Variants in PRSS23 observed in about 807,000 individuals in gnomAD.
PRSS23 encodes serine protease 23.
A neutral mutation model predicts 34.7 loss-of-function variants in PRSS23; 25 were observed. The ratio of observed to expected loss-of-function variants is 0.72; its 90% CI spans 0.53 to 1.01. The LOEUF is 1.01. Ranked by LOEUF, PRSS23 falls within the 50% of genes least tolerant of loss-of-function variation. PRSS23 has a pLI of 0.00. For synonymous variants in PRSS23, 176 were observed against 186.6 expected (o/e 0.94, Z 0.46); for missense variants, 445 against 475.6 (o/e 0.94, Z 0.60).
chr11:86,800,998 C>A (rs901480593), intron 1 of PRSS23, among the ~76,000 whole-genome samples: 2 of 152,146 alleles, frequency 1.3e-5, no homozygotes, highest in African/African-American at 4.8e-5. Flanking sequence ...TGGCTACACC[C>A]CCATGCACCC....
chr11:86,852,286 A>G (rs1948536096), intron 2 of PRSS23, among the ~76,000 whole-genome samples: 1 of 152,226 alleles, frequency 6.6e-6, no homozygotes, highest in Non-Finnish European at 1.5e-5. Flanking sequence ...GCAGGGCTGG[A>G]GGCACAGACT....
chr11:86,883,888 A>G (rs1948786088), intron 2 of PRSS23, among the ~76,000 whole-genome samples: 1 of 152,174 alleles, frequency 6.6e-6, no homozygotes, highest in African/African-American at 2.4e-5. Flanking sequence ...AATTGTAAGC[A>G]TTAGTATGCT....
chr11:86,802,403 T>A (rs754526879), intron 1 of PRSS23, among the ~76,000 whole-genome samples: 27 of 152,220 alleles, frequency 1.8e-4, no homozygotes, highest in Non-Finnish European at 3.7e-4. Context: ...TGTGATTAGG[T>A]CTGTTTTGCC....
At chr11:86,881,212 C>T (rs1056518625) in intron 2 of PRSS23, among the ~76,000 whole-genome samples, 1 of 149,650 alleles carries the variant, frequency 6.7e-6, no homozygotes, top group Non-Finnish European at 1.5e-5. Flanking sequence ...AGGAAGTTCC[C>T]TCTAACTGTT....
chr11:86,928,439 G>T (rs2135012224), intron 2 of PRSS23, among the ~76,000 whole-genome samples: 1 of 148,592 alleles, frequency 6.7e-6, no homozygotes, highest in South Asian at 2.1e-4. Context: ...ACTTTGGGAG[G>T]CTGAGGCAGG....
chr11:86,837,779 A>G (rs577439413), intron 2 of PRSS23, among the ~76,000 whole-genome samples: 4 of 152,266 alleles, frequency 2.6e-5, no homozygotes, highest in Admixed American at 2.0e-4. Flanking sequence ...AAAAAGAGAG[A>G]AAGTTTTAGT....
At chr11:86,914,022 TGGTGAAACACCATCTCTACTAAAAAA>T (rs1370562746) in intron 2 of PRSS23, among the ~76,000 whole-genome samples, 2 of 132,642 alleles carry the variant, frequency 1.5e-5, no homozygotes, top group African/African-American at 6.1e-5. Context: ...CTGACGAATG[TGGTGAAACACCATCTCTACTAAAAAA>T]AAAAAAAAAA....
chr11:86,848,792 A>G (rs1174483536), intron 2 of PRSS23, among the ~76,000 whole-genome samples: 1 of 152,214 alleles, frequency 6.6e-6, no homozygotes, highest in African/African-American at 2.4e-5. Flanking sequence ...GAAAAGCAAG[A>G]TAAGAGAAAG....
At chr11:86,855,795 CT>C (rs1235198203) in intron 2 of PRSS23, among the ~76,000 whole-genome samples, 1 of 152,212 alleles carries the variant, frequency 6.6e-6, no homozygotes, top group Admixed American at 6.5e-5. Flanking sequence ...GCCACCACCC[CT>C]GGCCAAGATT....
At chr11:86,882,410 C>T (rs1948777525) in intron 2 of PRSS23, among the ~76,000 whole-genome samples, 1 of 152,146 alleles carries the variant, frequency 6.6e-6, no homozygotes, top group Admixed American at 6.5e-5. Flanking sequence ...TCTATGTGTC[C>T]ATGTGTTCTC....
At chr11:86,825,306 G>T (rs1262447661) in intron 2 of PRSS23, among the ~76,000 whole-genome samples, 33 of 151,734 alleles carry the variant, frequency 2.2e-4, no homozygotes, top group South Asian at 6.2e-4. Flanking sequence ...TCATGTCCTT[G>T]GCCCACTTTT....
intron 2 of PRSS23, among the ~76,000 whole-genome samples, chr11:86,878,844 G>C (rs528935491): frequency 6.8e-6 from 1 of 147,700 alleles, no homozygotes; most frequent in Non-Finnish European, 1.5e-5. Flanking sequence ...CGGCCATCCC[G>C]TCTAGGAAGT....
At chr11:86,944,240 T>G (rs1044117573) in intron 2 of PRSS23, among the ~76,000 whole-genome samples, 3 of 151,754 alleles carry the variant, frequency 2.0e-5, no homozygotes, top group African/African-American at 7.3e-5. Context: ...CTCCTCTCTG[T>G]GTCTGTGTCC....
chr11:86,833,842 T>C (rs1948380723), intron 2 of PRSS23, among the ~76,000 whole-genome samples: 2 of 152,046 alleles, frequency 1.3e-5, no homozygotes, highest in Non-Finnish European at 2.9e-5. Context: ...CCAAGTACTG[T>C]TGGGGAGGTT....
chr11:86,796,135 T>C (rs140643297), upstream of PRSS23, among the ~76,000 whole-genome samples: 3 of 152,308 alleles, frequency 2.0e-5, no homozygotes, highest in Non-Finnish European at 2.9e-5. Flanking sequence ...CAGAAACTGA[T>C]GCAACCTCCT....
At chr11:86,815,334 C>T (rs1158783546), downstream of PRSS23, among the ~76,000 whole-genome samples, 1 of 152,172 alleles carries the variant, frequency 6.6e-6, no homozygotes, top group Non-Finnish European at 1.5e-5. Flanking sequence ...TGTATTTGTC[C>T]TCTGCCACTA....
intron 2 of PRSS23, among the ~76,000 whole-genome samples, chr11:86,898,407 A>G (rs1948890620): frequency 6.6e-6 from 1 of 152,220 alleles, no homozygotes; most frequent in Admixed American, 6.5e-5. Flanking sequence ...ATATATAAGG[A>G]TGCTAAATAT....
chr11:86,951,927 G>C (rs768216168), exon 3 of PRSS23: 2 of 1,613,622 alleles, frequency 1.2e-6, no homozygotes, highest in Non-Finnish European at 1.7e-6. Context: ...ATCCTTTCCC[G>C]GCCTACAGTC....
chr11:86,869,064 C>G (rs1166201529), intron 2 of PRSS23, among the ~76,000 whole-genome samples: 1 of 152,140 alleles, frequency 6.6e-6, no homozygotes, highest in African/African-American at 2.4e-5. Flanking sequence ...CTGCCTGCCT[C>G]AGCCTCCCAA....
Sources: allele counts gnomAD v4.1 joint callset (sites outside exome capture counted in the v4.1 genomes callset), GRCh38; gene constraint gnomAD v4.1.1; transcripts MANE v1.5; gene names NCBI Gene and HGNC (gene_info 2026-07-23, HGNC 2026-07-21).